HDAC9: variants seen among roughly 807,000 people sequenced by gnomAD.
HDAC9 encodes the protein MEF-2 interacting transcription repressor (MITR) protein.
A neutral mutation model predicts 139.4 loss-of-function variants in HDAC9; 41 were observed. The observed-to-expected ratio is 0.29, with a 90% CI of 0.23 to 0.38. The LOEUF is 0.38. Ranked by LOEUF, HDAC9 falls within the 10% of genes least tolerant of loss-of-function variation. HDAC9 has a pLI of 1.00. For synonymous variants in HDAC9, 517 were observed against 476.2 expected (o/e 1.09, Z -1.12); for missense variants, 1,147 against 1,297.0 (o/e 0.88, Z 1.78).
At chr7:18,762,632 G>A (rs1030806663) in intron 15 of HDAC9, among the ~76,000 whole-genome samples, 3 of 152,056 alleles carry the variant, frequency 2.0e-5, no homozygotes, top group African/African-American at 4.8e-5. Flanking sequence ...TCTCTTCACC[G>A]TTCCCATTTT....
In HDAC9 at chr7:18,271,804, A is replaced by G. The variant is rs139409423; in HGVS notation, c.25+109455A>G. 1.3e-5 allele frequency among the ~76,000 whole-genome samples: 2 copies of G among 152,328 alleles called. 1 individual carries two copies. Among genetic ancestry groups the G allele is most frequent in the South Asian group, 4.1e-4 (2 of 4,828 alleles). ...TGATACCTGCCTTCTGCAGGAATCT[A>G]TAAGCTTCTGTGAAGGCAAAAATCA... On this transcript the variant is annotated intron_variant, in intron 2 of 12. Coordinates refer to the HDAC9 transcript ENST00000417496.
intron 13 of HDAC9, among the ~76,000 whole-genome samples, chr7:18,732,187 C>G (rs1256002675): frequency 6.6e-6 from 1 of 152,106 alleles, no homozygotes; most frequent in Admixed American, 6.5e-5. Context: ...ATTAATTGAA[C>G]TTTCGTGGTA....
At chr7:18,241,296 C>T (rs927910472) in intron 2 of HDAC9, among the ~76,000 whole-genome samples, 12 of 152,178 alleles carry the variant, frequency 7.9e-5, no homozygotes, top group Middle Eastern at 3.2e-3. Context: ...ATCTAATGGT[C>T]TCTTTGTGAA....
intron 1 of HDAC9, among the ~76,000 whole-genome samples, chr7:18,135,755 A>G (rs1390996459): frequency 9.4e-5 from 14 of 149,026 alleles, no homozygotes; most frequent in African/African-American, 1.8e-4. Context: ...TAATGCCACA[A>G]TAAACATACG....
chr7:18,436,316 A>G (rs2128768666), intron 1 of HDAC9, among the ~76,000 whole-genome samples: 1 of 152,316 alleles, frequency 6.6e-6, no homozygotes, highest in East Asian at 1.9e-4. Flanking sequence ...TACCCCACAA[A>G]GGTTTAGGCA....
At chr7:18,482,142 G>C (rs758037590) in intron 1 of HDAC9, among the ~76,000 whole-genome samples, 1 of 151,790 alleles carries the variant, frequency 6.6e-6, no homozygotes, top group Non-Finnish European at 1.5e-5. Flanking sequence ...CAAAATTAAG[G>C]TGATGGAAAA....
chr7:18,442,264 A>G (rs934829666), intron 1 of HDAC9, among the ~76,000 whole-genome samples: 1 of 152,212 alleles, frequency 6.6e-6, no homozygotes, highest in Non-Finnish European at 1.5e-5. Flanking sequence ...ACCCCTATGT[A>G]TAAGAGTGGT....
intron 1 of HDAC9, among the ~76,000 whole-genome samples, chr7:18,380,299 G>T (rs75895026): frequency 3.3e-5 from 5 of 152,026 alleles, no homozygotes; most frequent in Admixed American, 2.6e-4. Flanking sequence ...CATTACATGA[G>T]AAAAAAGGAC....
At chr7:18,383,251 C>T (rs554506839) in intron 1 of HDAC9, among the ~76,000 whole-genome samples, 5 of 152,270 alleles carry the variant, frequency 3.3e-5, no homozygotes, top group Non-Finnish European at 7.4e-5. Flanking sequence ...TCGATGTGCT[C>T]GTGCAGGGAT....
chr7:18,267,340 A>G (rs948006839), intron 2 of HDAC9, among the ~76,000 whole-genome samples: 42 of 152,078 alleles, frequency 2.8e-4, no homozygotes, highest in South Asian at 4.1e-4. Context: ...CAATACTACA[A>G]TGCATTTTTA....
intron 10 of HDAC9, 51 bp downstream of exon 10, chr7:18,648,049 A>G: frequency 1.5e-6 from 2 of 1,374,678 alleles, no homozygotes; most frequent in South Asian, 1.3e-5. Context: ...TTATTTTATT[A>G]GTGATCCAGG....
chr7:18,829,280 G>T (rs1795685451), intron 18 of HDAC9, 64 bp downstream of exon 18: 1 of 1,330,354 alleles, frequency 7.5e-7, no homozygotes, highest in African/African-American at 1.4e-5. Flanking sequence ...CCTGCCCCGT[G>T]CATGTTTCTG....
intron 2 of HDAC9, among the ~76,000 whole-genome samples, chr7:18,582,958 GATA>G (rs1235593168): frequency 2.0e-5 from 3 of 152,022 alleles, no homozygotes; most frequent in Non-Finnish European, 4.4e-5. Context: ...TCATATATAT[GATA>G]ATAATCAATG....
intron 1 of HDAC9, among the ~76,000 whole-genome samples, chr7:18,392,434 TAGATAGAC>T (rs1786617393): frequency 6.8e-6 from 1 of 147,990 alleles, no homozygotes; most frequent in South Asian, 2.2e-4. Context: ...GATAGATAGA[TAGATAGAC>T]AGATATTCTT....
rs535154946 is a variant in HDAC9 at position 18,743,994 on chromosome 7, A to G, written c.1910-5011A>G. Among the ~76,000 whole-genome samples the G allele has an allele frequency of 3.5e-5, 5 of 141,332 alleles. No homozygotes were observed. In the East Asian group the frequency reaches 1.2e-3, roughly 33 times the overall value. The allele number at this position is 141,332 out of a possible 152,430, so 92.7% of individuals were successfully genotyped here. A position where few individuals can be genotyped will look rare whatever the true frequency, so the allele number is the denominator to read the frequency against. ...GTTTTCAAAAGTGTCATATTTTTAC[A>G]TCTCACTTTTACTACTAGTTTTTTT... On this transcript the variant is annotated intron_variant, in intron 13 of 25. Transcript: ENST00000686413.
intron 11 of HDAC9, among the ~76,000 whole-genome samples, chr7:18,657,469 A>C (rs1791601371): frequency 6.6e-6 from 1 of 152,154 alleles, no homozygotes; most frequent in African/African-American, 2.4e-5. Flanking sequence ...TTCTACTCTT[A>C]AAGAGAAAAG....
At chr7:18,136,545 A>G (rs915261805) in intron 1 of HDAC9, among the ~76,000 whole-genome samples, 2 of 152,318 alleles carry the variant, frequency 1.3e-5, no homozygotes, top group Admixed American at 6.5e-5. Flanking sequence ...TCCCAACACC[A>G]TTTATTAAAT....
At chr7:18,545,841 A>G (rs1814617925) in intron 2 of HDAC9, among the ~76,000 whole-genome samples, 1 of 152,204 alleles carries the variant, frequency 6.6e-6, no homozygotes, top group Non-Finnish European at 1.5e-5. Context: ...TATGCACTAC[A>G]ACATCCCTAA....
chr7:18,824,682 GC>G (rs1421483973), intron 17 of HDAC9, among the ~76,000 whole-genome samples: 1 of 152,172 alleles, frequency 6.6e-6, no homozygotes, highest in Non-Finnish European at 1.5e-5. Flanking sequence ...TGGATTGTGT[GC>G]ATGTTGGAAT....
Sources: gnomAD v4.1 joint callset for allele counts (sites outside exome capture counted in the v4.1 genomes callset) on GRCh38, gnomAD v4.1.1 for gene constraint, MANE v1.5 for transcripts, NCBI Gene and HGNC (gene_info 2026-07-23, HGNC 2026-07-21) for gene names.